STXBP5L: variants seen among roughly 807,000 people sequenced by gnomAD.
STXBP5L encodes syntaxin binding protein 5L, also known as syntaxin-binding protein 5-like.
Under a neutral mutation model 144.5 loss-of-function variants are expected in STXBP5L, and 65 were observed. The observed-to-expected ratio is 0.45, with a 90% CI of 0.37 to 0.55. The LOEUF is 0.55. Among genes scored for constraint, STXBP5L ranks in the 20% least tolerant of loss-of-function variants. The pLI, the probability that STXBP5L is intolerant of heterozygous loss-of-function variation, is 0.00. For missense variants in STXBP5L, 1,298 were observed against 1,405.5 expected, an observed-to-expected ratio of 0.92 and a Z score of 1.22; for synonymous variants, 505 against 469.6, an observed-to-expected ratio of 1.08 and a Z score of -0.97.
chr3:121,361,416 A>T (rs945241632), intron 20 of STXBP5L, among the ~76,000 whole-genome samples: 2 of 152,060 alleles, frequency 1.3e-5, no homozygotes, highest in Admixed American at 6.6e-5. Context: ...CTTTAAGGAC[A>T]TTTCTTAGGT....
chr3:121,282,867 A>C (rs1418405431), intron 19 of STXBP5L, among the ~76,000 whole-genome samples: 3 of 152,048 alleles, frequency 2.0e-5, no homozygotes, highest in Non-Finnish European at 4.4e-5. Context: ...GATTTAAGGC[A>C]CTCAGACATT....
chr3:121,037,185 G>C (rs1946819449), intron 3 of STXBP5L, among the ~76,000 whole-genome samples: 1 of 151,248 alleles, frequency 6.6e-6, no homozygotes, highest in African/African-American at 2.4e-5. Context: ...ATTCTGCTTT[G>C]GCTTCCGAAA....
At chr3:120,986,100 A>G (rs1942262938) in intron 3 of STXBP5L, among the ~76,000 whole-genome samples, 1 of 151,722 alleles carries the variant, frequency 6.6e-6, no homozygotes, top group African/African-American at 2.4e-5. Context: ...TTTCATTTTC[A>G]TTTGTATTTA....
At chr3:121,052,777 A>T (rs1031028927) in intron 5 of STXBP5L, among the ~76,000 whole-genome samples, 2 of 152,100 alleles carry the variant, frequency 1.3e-5, no homozygotes, top group Admixed American at 6.6e-5. Context: ...AATAAAGGGT[A>T]TTCAATTAGG....
chr3:121,329,910 A>G (rs895380555), intron 20 of STXBP5L, among the ~76,000 whole-genome samples: 1 of 115,400 alleles, frequency 8.7e-6, no homozygotes, highest in African/African-American at 2.8e-5. Flanking sequence ...CACACCACAT[A>G]TGAAAAAAAT....
intron 20 of STXBP5L, among the ~76,000 whole-genome samples, chr3:121,321,593 C>G (rs1324614169): frequency 6.6e-6 from 1 of 152,176 alleles, no homozygotes; most frequent in Non-Finnish European, 1.5e-5. Flanking sequence ...TTTTGTATTT[C>G]TAGCAAGCTC....
chr3:121,110,764 A>G (rs910772764), intron 5 of STXBP5L, among the ~76,000 whole-genome samples: 2 of 152,104 alleles, frequency 1.3e-5, no homozygotes, highest in African/African-American at 4.8e-5. Flanking sequence ...CTGAATTTGA[A>G]TGTGGGCCTC....
intron 9 of STXBP5L, among the ~76,000 whole-genome samples, chr3:121,160,862 A>G (rs2046300173): frequency 6.6e-6 from 1 of 151,990 alleles, no homozygotes; most frequent in Non-Finnish European, 1.5e-5. Context: ...ATTTTCACAT[A>G]TTTTTTATTG....
At chr3:121,362,971 G>A (rs1214293661) in intron 20 of STXBP5L, among the ~76,000 whole-genome samples, 1 of 152,078 alleles carries the variant, frequency 6.6e-6, no homozygotes, top group Non-Finnish European at 1.5e-5. Flanking sequence ...CCAGAACTGG[G>A]TTCTTTCCTT....
intron 9 of STXBP5L, among the ~76,000 whole-genome samples, chr3:121,175,022 G>A (rs2046878406): frequency 6.6e-6 from 1 of 152,056 alleles, no homozygotes; most frequent in Non-Finnish European, 1.5e-5. Flanking sequence ...AAGAGGGAGA[G>A]AAACACTTTT....
At chr3:120,977,253 G>A (rs921193771) in intron 3 of STXBP5L, among the ~76,000 whole-genome samples, 1 of 152,148 alleles carries the variant, frequency 6.6e-6, no homozygotes, top group Non-Finnish European at 1.5e-5. Flanking sequence ...TATATATTTA[G>A]GATAGTTAGC....
intron 3 of STXBP5L, among the ~76,000 whole-genome samples, chr3:121,012,676 T>A (rs1001389761): frequency 2.2e-4 from 34 of 151,820 alleles, no homozygotes; most frequent in African/African-American, 7.7e-4. Flanking sequence ...TTTGGGTAAT[T>A]ATTATTGTTA....
At chr3:121,350,327 A>C (rs1168814773) in intron 20 of STXBP5L, among the ~76,000 whole-genome samples, 2 of 152,164 alleles carry the variant, frequency 1.3e-5, no homozygotes, top group Admixed American at 6.5e-5. Flanking sequence ...CTGAGAGATC[A>C]GCTGTTAGTA....
At chr3:120,967,385 A>T (rs1939721579) in intron 3 of STXBP5L, among the ~76,000 whole-genome samples, 1 of 152,000 alleles carries the variant, frequency 6.6e-6, no homozygotes, top group Non-Finnish European at 1.5e-5. Context: ...TGTGTCAATC[A>T]CACTGGGAGC....
intron 20 of STXBP5L, among the ~76,000 whole-genome samples, chr3:121,334,896 T>A (rs187815976): frequency 6.6e-6 from 1 of 152,238 alleles, no homozygotes; most frequent in Admixed American, 6.5e-5. Flanking sequence ...CCTTGAAAAC[T>A]GGCACAAGTA....
chr3:121,122,243 ATTAT>A (rs1180836290), intron 7 of STXBP5L, among the ~76,000 whole-genome samples: 2 of 150,146 alleles, frequency 1.3e-5, no homozygotes, highest in East Asian at 3.9e-4. Context: ...ATATTAATAA[ATTAT>A]TTAGTATATA....
chr3:121,330,851 T>A (rs1445788193), intron 20 of STXBP5L, among the ~76,000 whole-genome samples: 1 of 152,182 alleles, frequency 6.6e-6, no homozygotes, highest in African/African-American at 2.4e-5. Flanking sequence ...AGCTGGCATT[T>A]GAGAAAGCCA....
chr3:121,034,990 T>C (rs1946655364), intron 3 of STXBP5L, among the ~76,000 whole-genome samples: 1 of 152,188 alleles, frequency 6.6e-6, no homozygotes, highest in South Asian at 2.1e-4. Context: ...ATTTTTTATA[T>C]ACTTGTTGGC....
chr3:121,168,112 GACAA>G (rs1369290749), intron 9 of STXBP5L, among the ~76,000 whole-genome samples: 1 of 152,130 alleles, frequency 6.6e-6, no homozygotes, highest in African/African-American at 2.4e-5. Context: ...AAGGAAAACT[GACAA>G]ACAGAAAGGA....
Sources: gnomAD v4.1 joint callset for allele counts (sites outside exome capture counted in the v4.1 genomes callset) on GRCh38, gnomAD v4.1.1 for gene constraint, MANE v1.5 for transcripts, NCBI Gene and HGNC (gene_info 2026-07-23, HGNC 2026-07-21) for gene names.